ARPP19: variants seen among roughly 807,000 people sequenced by gnomAD.
The protein encoded by ARPP19 is cAMP-regulated phosphoprotein 19.
In ARPP19, 8 loss-of-function variants were observed where a neutral mutation model predicts 12.0. That is an observed-to-expected ratio of 0.67 (90% confidence interval 0.39 to 1.21). The LOEUF is 1.21. Ranked by LOEUF, ARPP19 falls within the 50% of genes most tolerant of loss-of-function variation. The pLI is 0.01. For missense variants in ARPP19, 102 were observed against 136.3 expected (o/e 0.75, Z 1.25); for synonymous variants, 47 against 50.4 (o/e 0.93, Z 0.29).
At position 52,551,850 on chromosome 15, in the gene ARPP19, A is replaced by G. The variant is rs2077934557; in HGVS notation, c.*84T>C. On this transcript the variant is annotated 3_prime_UTR_variant, in exon 3 of 3. Transcript: ENST00000249822. ...AGCTGTCAGTCTCAAATGACTAGTG[A>G]ATGAAAGGAAATAAAAAGTAGATAA... 7.8e-6 allele frequency: 8 copies of G among 1,028,954 alleles called. 1 individual carries two copies. In the South Asian group the frequency reaches 1.2e-4, roughly 15 times the overall value. The allele number at this position is 1,028,954 out of a possible 1,614,324, so 63.7% of individuals were successfully genotyped here.
rs573337258 is a variant in ARPP19 at position 52,566,578 on chromosome 15, C to T, written c.45+2270G>A. On this transcript the variant is annotated intron_variant, in intron 1 of 2. Transcript: ENST00000249822. ...GGACTACAGGCCTACAGACATGCCA[C>T]CACACCTGGCTAATTTTTATTTTAT... is the stretch of plus-strand genomic sequence containing the variant. Among the ~76,000 whole-genome samples the T allele has an allele frequency of 2.6e-5, 4 of 152,242 alleles. No homozygotes were observed. The South Asian group carries it at 8.3e-4, about 32-fold the overall frequency.
chr15:52,568,492 T>G, intron 1 of ARPP19: 3 of 218,726 alleles, frequency 1.4e-5, no homozygotes, highest in Non-Finnish European at 2.7e-5. Context: ...AGTTGGAGAG[T>G]TCTTCAAAGG....
intron 1 of ARPP19, among the ~76,000 whole-genome samples, chr15:52,558,155 T>G (rs17614529): frequency 0.13 from 19,095 of 152,122 alleles, 1,333 homozygotes; most frequent in Middle Eastern, 0.17. Context: ...GCAGAAGAAT[T>G]AATCAAGAAA....
intron 1 of ARPP19, among the ~76,000 whole-genome samples, chr15:52,563,752 A>T (rs777954186): frequency 3.9e-5 from 6 of 152,244 alleles, no homozygotes; most frequent in Non-Finnish European, 7.3e-5. Flanking sequence ...CTATCTGCTC[A>T]GCAACATGTT....
chr15:52,547,554 T>G lies in ARPP19; in HGVS notation c.*4380A>C, dbSNP rs1240780192. ...TAATGGCTATCAAGACCAGCAGTGA[T>G]CTGCAGAATACCTAGAGGCCTACCT... On this transcript the variant is annotated 3_prime_UTR_variant, in exon 3 of 3. Transcript: ENST00000249822. 6.6e-6 allele frequency: 1 copy of G among 152,204 alleles called. No homozygotes were observed. Among genetic ancestry groups the G allele is most frequent in the Admixed American group, 6.5e-5 (1 of 15,278 alleles). 9.4% of individuals were successfully genotyped at this position (152,204 alleles called of 1,614,324 possible).
At chr15:52,562,582 G>A (rs990503472) in intron 1 of ARPP19, among the ~76,000 whole-genome samples, 2 of 151,964 alleles carry the variant, frequency 1.3e-5, no homozygotes, top group African/African-American at 4.8e-5. Context: ...AGGCTGAGGT[G>A]GGAGGGTCAC....
intron 1 of ARPP19, among the ~76,000 whole-genome samples, chr15:52,560,241 C>T (rs1285704673): frequency 4.1e-5 from 6 of 145,864 alleles, no homozygotes; most frequent in Non-Finnish European, 5.9e-5. Context: ...AGGTCATCTG[C>T]CCGCCTCGGC....
At chr15:52,554,604 G>C (rs2077964931) in intron 2 of ARPP19, among the ~76,000 whole-genome samples, 1 of 151,964 alleles carries the variant, frequency 6.6e-6, no homozygotes, top group Non-Finnish European at 1.5e-5. Flanking sequence ...ACAAATTTAT[G>C]GGCCATACTT....
At chr15:52,560,498 T>TG (rs2078022563) in intron 1 of ARPP19, among the ~76,000 whole-genome samples, 2 of 152,190 alleles carry the variant, frequency 1.3e-5, no homozygotes, top group Non-Finnish European at 2.9e-5. Context: ...TGAAAGCCCC[T>TG]GCTAGCTGCA....
Position 52,548,846 on chromosome 15 carries a change from A to C in ARPP19, c.*3088T>G, listed in dbSNP as rs1595858512. The C allele has an allele frequency of 6.6e-6, 1 of 152,626 alleles. No homozygotes were observed. Among genetic ancestry groups the C allele is most frequent in the East Asian group, 1.9e-4 (1 of 5,204 alleles). The allele number at this position is 152,626 out of a possible 1,614,324, so 9.5% of individuals were successfully genotyped here. The stretch of plus-strand genomic sequence containing the variant: ...AGTATCCATAAATATTCAGAGGTAT[A>C]GTTTTGTTTCATCAAGTAAAAAGAG... On this transcript the variant is annotated 3_prime_UTR_variant, in exon 3 of 3. Coordinates refer to ENST00000249822, the MANE Select transcript of ARPP19 (RefSeq NM_006628.6).
At chr15:52,568,509 T>C (rs952843883) in intron 1 of ARPP19, 6 of 266,328 alleles carry the variant, frequency 2.3e-5, no homozygotes, top group African/African-American at 1.1e-4. Context: ...AAGGAAAAAA[T>C]AAAACTTCCT....
At chr15:52,562,402 T>C (rs1487358186) in intron 1 of ARPP19, among the ~76,000 whole-genome samples, 2 of 152,032 alleles carry the variant, frequency 1.3e-5, no homozygotes, top group Non-Finnish European at 2.9e-5. Context: ...ATTAAAAACA[T>C]ACTTCTAAAT....
chr15:52,564,316 G>A (rs772650162), intron 1 of ARPP19: 13 of 1,171,162 alleles, frequency 1.1e-5, no homozygotes, highest in Non-Finnish European at 1.5e-5. Context: ...TGGAGGCTGA[G>A]GTGGGAGGCT....
chr15:52,568,921 G>C lies in ARPP19; in HGVS notation c.-29C>G, dbSNP rs867842467. 1.7e-6 allele frequency: 2 copies of C among 1,203,780 alleles called. No homozygotes were observed. Among genetic ancestry groups the C allele is most frequent in the African/African-American group, 1.6e-5 (1 of 60,646 alleles). The allele number at this position is 1,203,780 out of a possible 1,614,324, so 74.6% of individuals were successfully genotyped here. Reference sequence around the variant, plus strand: ...GCTCCCTCTGCAGACGAGACGCCGGGAAAAGATGCAATTAGCGGGTGGCCG... The same window carrying C: ...GCTCCCTCTGCAGACGAGACGCCGGCAAAAGATGCAATTAGCGGGTGGCCG... On this transcript the variant is annotated 5_prime_UTR_variant, in exon 1 of 3. Coordinates refer to ENST00000249822, the MANE Select transcript of ARPP19 (RefSeq NM_006628.6).
rs2077891823 is a variant in ARPP19 at position 52,547,813 on chromosome 15, A to G, written c.*4121T>C. The G allele has an allele frequency of 6.6e-6, 1 of 152,240 alleles. No homozygotes were observed. The highest frequency in any genetic ancestry group is 1.5e-5 in the Non-Finnish European group (1 of 68,050). The allele number at this position is 152,240 out of a possible 1,614,324, so 9.4% of individuals were successfully genotyped here. A position where few individuals can be genotyped will look rare whatever the true frequency, so the allele number is the denominator to read the frequency against. On this transcript the variant is annotated 3_prime_UTR_variant, in exon 3 of 3. Coordinates refer to ENST00000249822, the MANE Select transcript of ARPP19 (RefSeq NM_006628.6). ...TTTTAGAAAATTTTAAATGTGTCCT[A>G]AATTGTGGCATATTGAAAACGATAT...
chr15:52,555,430 T>C (rs955346928), intron 2 of ARPP19, among the ~76,000 whole-genome samples: 106 of 150,608 alleles, frequency 7.0e-4, no homozygotes, highest in Non-Finnish European at 1.1e-3. Flanking sequence ...AAAAACACAG[T>C]TGTCATTCTA....
intron 1 of ARPP19, among the ~76,000 whole-genome samples, chr15:52,559,830 C>T (rs1032504342): frequency 7.2e-5 from 11 of 152,202 alleles, no homozygotes; most frequent in Admixed American, 7.2e-4. Flanking sequence ...GAGGCCTACT[C>T]TTGGGTTTCC....
chr15:52,551,167 AAATT>A lies in ARPP19; in HGVS notation c.*763_*766del, dbSNP rs1196379357. On this transcript the variant is annotated 3_prime_UTR_variant, in exon 3 of 3. Transcript: ENST00000249822. ...ACATTATCTACTTTTTAAGTATGTGAAATTAATACAGACATTTGTGAGAGGTTGT... is the reference window on the plus strand; with the variant it reads ...ACATTATCTACTTTTTAAGTATGTGAAATACAGACATTTGTGAGAGGTTGT... 4 of 152,938 alleles carry A rather than the reference AAATT, an allele frequency of 2.6e-5. No homozygotes were observed. Among genetic ancestry groups the A allele is most frequent in the Admixed American group, 1.3e-4 (2 of 15,308 alleles). The allele number at this position is 152,938 out of a possible 1,614,324, so 9.5% of individuals were successfully genotyped here. A position where few individuals can be genotyped will look rare whatever the true frequency, so the allele number is the denominator to read the frequency against.
intron 1 of ARPP19, among the ~76,000 whole-genome samples, chr15:52,560,381 A>G (rs1414290395): frequency 6.6e-6 from 1 of 152,236 alleles, no homozygotes; most frequent in Non-Finnish European, 1.5e-5. Context: ...TGGGTAAAAC[A>G]GCATCTATGA....
Sources: allele counts gnomAD v4.1 joint callset (sites outside exome capture counted in the v4.1 genomes callset), GRCh38; gene constraint gnomAD v4.1.1; transcripts MANE v1.5; gene names NCBI Gene and HGNC (gene_info 2026-07-23, HGNC 2026-07-21).